Variants in KCTD16 observed in about 807,000 individuals in gnomAD.
KCTD16 encodes BTB/POZ domain-containing protein KCTD16.
KCTD16 carries 13 observed loss-of-function variants against 33.2 expected under a neutral mutation model. The ratio of observed to expected loss-of-function variants is 0.39; its 90% CI spans 0.25 to 0.62. The LOEUF is 0.62. Among genes scored for constraint, KCTD16 ranks in the 20% least tolerant of loss-of-function variants. KCTD16 has a pLI of 0.50. For missense variants in KCTD16, 441 were observed against 525.1 expected (o/e 0.84, Z 1.57); for synonymous variants, 197 against 195.3 (o/e 1.01, Z -0.07).
chr5:144,277,140 GT>G lies in KCTD16; in HGVS notation c.832+69597del, dbSNP rs571146927. ...CTCACTATCTATTTTTCCCTTAAGT[GT>G]TTCATTTCTCTTTGAAAAGTTTGCT... On this transcript the variant is annotated intron_variant, in intron 3 of 3. Coordinates refer to ENST00000512467, the MANE Select transcript of KCTD16 (RefSeq NM_020768.4). Among the ~76,000 whole-genome samples, 18 of 152,162 alleles carry G rather than the reference GT, an allele frequency of 1.2e-4. No individual in the cohort carries two copies. In the East Asian group the frequency reaches 1.5e-3, roughly 13 times the overall value.
At chr5:144,274,989 T>C (rs192442694) in intron 3 of KCTD16, among the ~76,000 whole-genome samples, 2 of 152,342 alleles carry the variant, frequency 1.3e-5, no homozygotes. Flanking sequence ...CCTCTGGTAA[T>C]ATGTATTCAC....
intron 3 of KCTD16, among the ~76,000 whole-genome samples, chr5:144,443,421 GGA>G (rs1238904659): frequency 6.6e-6 from 1 of 150,416 alleles, no homozygotes; most frequent in South Asian, 2.1e-4. Context: ...TTTTTTTTCT[GGA>G]GAGAGAGTCT....
At chr5:144,210,743 C>T (rs1224559334) in intron 3 of KCTD16, among the ~76,000 whole-genome samples, 2 of 152,078 alleles carry the variant, frequency 1.3e-5, no homozygotes, top group South Asian at 2.1e-4. Flanking sequence ...ATTTCCAGAG[C>T]CATCTTCTGA....
At chr5:144,256,962 G>T (rs1754866315) in intron 3 of KCTD16, among the ~76,000 whole-genome samples, 2 of 152,104 alleles carry the variant, frequency 1.3e-5, no homozygotes, top group Admixed American at 1.3e-4. Context: ...CTTTCTGAGA[G>T]GGGAGTAGTA....
intron 3 of KCTD16, among the ~76,000 whole-genome samples, chr5:144,293,888 G>A (rs562760048): frequency 6.6e-6 from 1 of 152,148 alleles, no homozygotes; most frequent in Non-Finnish European, 1.5e-5. Flanking sequence ...GGCTGGGTGC[G>A]GTGGCTCACG....
chr5:144,364,088 C>T (rs1418299229), intron 3 of KCTD16, among the ~76,000 whole-genome samples: 2 of 152,044 alleles, frequency 1.3e-5, no homozygotes, highest in Non-Finnish European at 2.9e-5. Flanking sequence ...ATTTGATTTC[C>T]TATGGTCACT....
At chr5:144,306,054 G>A (rs1287195493) in intron 3 of KCTD16, among the ~76,000 whole-genome samples, 1 of 151,944 alleles carries the variant, frequency 6.6e-6, no homozygotes, top group African/African-American at 2.4e-5. Flanking sequence ...GAGGTTTGTT[G>A]TGAGCCAACC....
chr5:144,477,785 T>C lies in KCTD16; in HGVS notation c.*3671T>C, dbSNP rs929556899. 2 of 151,974 alleles carry C rather than the reference T, an allele frequency of 1.3e-5. No homozygotes were observed. Among genetic ancestry groups the C allele is most frequent in the Non-Finnish European group, 2.9e-5 (2 of 67,948 alleles). The allele number at this position is 151,974 out of a possible 1,614,324, so 9.4% of individuals were successfully genotyped here. On this transcript the variant is annotated 3_prime_UTR_variant, in exon 4 of 4. Transcript: ENST00000512467. ...CCAACCTTCAACTTTGTATCTACTATAGTGTAGATCTGTGAATTTGAGTGC... is the reference window on the plus strand; with the variant it reads ...CCAACCTTCAACTTTGTATCTACTACAGTGTAGATCTGTGAATTTGAGTGC...
intron 3 of KCTD16, among the ~76,000 whole-genome samples, chr5:144,388,350 G>C (rs1752378257): frequency 1.3e-5 from 2 of 151,766 alleles, no homozygotes; most frequent in African/African-American, 4.8e-5. Context: ...CAAAGTGCTG[G>C]GATTACAGGC....
intron 3 of KCTD16, among the ~76,000 whole-genome samples, chr5:144,299,991 T>C (rs562961055): frequency 1.5e-4 from 23 of 152,222 alleles, no homozygotes; most frequent in African/African-American, 5.5e-4. Flanking sequence ...TAATCATTTA[T>C]AGCTGTCTAT....
chr5:144,422,118 A>G (rs761513327), intron 3 of KCTD16, among the ~76,000 whole-genome samples: 2 of 152,174 alleles, frequency 1.3e-5, no homozygotes, highest in Non-Finnish European at 1.5e-5. Context: ...GACAAAGCAG[A>G]GAATGTAAAA....
chr5:144,380,931 A>T (rs186303584), intron 3 of KCTD16, among the ~76,000 whole-genome samples: 176 of 152,306 alleles, frequency 1.2e-3, no homozygotes, highest in African/African-American at 3.3e-3. Context: ...AAGTCTCCAC[A>T]AACAATTGTA....
At chr5:144,388,171 C>T (rs1353049117) in intron 3 of KCTD16, among the ~76,000 whole-genome samples, 1 of 149,316 alleles carries the variant, frequency 6.7e-6, no homozygotes, top group African/African-American at 2.5e-5. Context: ...GCTCCGCCTC[C>T]CGGGTTCACG....
chr5:144,387,138 ATTTTTT>A (rs377558036), intron 3 of KCTD16, among the ~76,000 whole-genome samples: 460 of 116,170 alleles, frequency 4.0e-3, no homozygotes, highest in Non-Finnish European at 4.8e-3. Flanking sequence ...GGCTAATTTA[ATTTTTT>A]TTTTTTTTTT....
chr5:144,347,163 G>A (rs1255699680), intron 3 of KCTD16, among the ~76,000 whole-genome samples: 3 of 152,128 alleles, frequency 2.0e-5, no homozygotes, highest in Non-Finnish European at 2.9e-5. Context: ...AGCCCCATGT[G>A]GCCATTGAGC....
At chr5:144,323,994 A>T (rs545653038) in intron 3 of KCTD16, among the ~76,000 whole-genome samples, 2 of 152,164 alleles carry the variant, frequency 1.3e-5, no homozygotes, top group South Asian at 2.1e-4. Context: ...GAGATTTAAG[A>T]TACTTGGTTA....
At chr5:144,366,414 G>T (rs1471423728) in intron 3 of KCTD16, among the ~76,000 whole-genome samples, 2 of 152,090 alleles carry the variant, frequency 1.3e-5, no homozygotes, top group Non-Finnish European at 2.9e-5. Flanking sequence ...GACATCCTTT[G>T]CTATCATTTT....
Position 144,255,359 on chromosome 5 carries a change from T to G in KCTD16, c.832+47813T>G, listed in dbSNP as rs1029748135. On this transcript the variant is annotated intron_variant, in intron 3 of 3. Transcript: ENST00000512467. ...TTGGACAGATATCTGTAAGTGGGAT[T>G]TTTTTTTATCATATGGTGGTTCTTT... Among the ~76,000 whole-genome samples the G allele has an allele frequency of 9.2e-5, 14 of 152,068 alleles. No individual in the cohort carries two copies. The South Asian group carries it at 1.0e-3, about 11-fold the overall frequency.
In KCTD16 at chr5:144,288,697, T is replaced by C. The variant is rs189497065; in HGVS notation, c.832+81151T>C. 1.1e-4 allele frequency among the ~76,000 whole-genome samples: 17 copies of C among 152,246 alleles called. No individual in the cohort carries two copies. In the East Asian group the frequency reaches 3.3e-3, roughly 29 times the overall value. On this transcript the variant is annotated intron_variant, in intron 3 of 3. Transcript: ENST00000512467. ...AGAAAGCATCCTGGTTGGCTGGGCA[T>C]GGTGGCTCATGCCTGTAATCCTAGC...
Sources: gnomAD v4.1 joint callset for allele counts (sites outside exome capture counted in the v4.1 genomes callset) on GRCh38, gnomAD v4.1.1 for gene constraint, MANE v1.5 for transcripts, NCBI Gene and HGNC (gene_info 2026-07-23, HGNC 2026-07-21) for gene names.